Variants in MAP4K1 observed in about 807,000 individuals in gnomAD.
MAP4K1 encodes mitogen-activated protein kinase kinase kinase kinase 1, also known as MAPK/ERK kinase kinase kinase 1.
In MAP4K1, 35 loss-of-function variants were observed where a neutral mutation model predicts 122.8. The ratio of observed to expected loss-of-function variants is 0.29; its 90% CI spans 0.22 to 0.38. MAP4K1 has a LOEUF of 0.38. Among genes scored for constraint, MAP4K1 ranks in the 10% least tolerant of loss-of-function variants. MAP4K1 has a pLI of 1.00. For missense variants in MAP4K1, 791 were observed against 1,072.6 expected (o/e 0.74, Z 3.67); for synonymous variants, 412 against 421.3 (o/e 0.98, Z 0.27).
At position 38,595,692 on chromosome 19, in the gene MAP4K1, G is replaced by A; in HGVS notation, c.2217C>T (p.Val739=). The change falls in exon 28 of 31, where the codon GTC becomes GTT. Residue 739 remains valine, a synonymous_variant. Transcript: ENST00000396857. ...GGATCTCAGGTGTGCGAAGTCCCCGGACTGGGGACCCCTCCGGGGTCACCA... is the reference window on the plus strand; with the variant it reads ...GGATCTCAGGTGTGCGAAGTCCCCGAACTGGGGACCCCTCCGGGGTCACCA... The part of the protein sequence containing the change: ...VKLVTPEGSP[V]RGLRTPEIPM... 2 of 1,612,394 alleles carry A rather than the reference G, an allele frequency of 1.2e-6. No individual in the cohort carries two copies. Among genetic ancestry groups the A allele is most frequent in the Non-Finnish European group, 1.7e-6 (2 of 1,179,122 alleles).
chr19:38,590,262 TA>T (rs1974663028), intron 30 of MAP4K1, among the ~76,000 whole-genome samples: 1 of 149,884 alleles, frequency 6.7e-6, no homozygotes, highest in South Asian at 2.1e-4. Flanking sequence ...AAATTTCCTT[TA>T]ATTTTTAAAA....
intron 8 of MAP4K1, among the ~76,000 whole-genome samples, chr19:38,613,373 A>G (rs1407576737): frequency 6.6e-6 from 1 of 151,678 alleles, no homozygotes; most frequent in Non-Finnish European, 1.5e-5. Context: ...CAAATTTTAA[A>G]AATTAGCCAG....
At chr19:38,612,942 A>G (rs1376444416) in intron 8 of MAP4K1, among the ~76,000 whole-genome samples, 200 bp from the exon 9 acceptor site, 2 of 152,166 alleles carry the variant, frequency 1.3e-5, no homozygotes, top group African/African-American at 4.8e-5. Context: ...CTGTAATCCC[A>G]GCACTTTGGG....
intron 29 of MAP4K1, among the ~76,000 whole-genome samples, chr19:38,595,085 G>C (rs1443291549): frequency 6.6e-6 from 1 of 151,930 alleles, no homozygotes; most frequent in Admixed American, 6.6e-5. Context: ...AAGAGTTCAA[G>C]ACCATCCAGC....
chr19:38,588,438 C>G (rs1974594237), intron 30 of MAP4K1, among the ~76,000 whole-genome samples: 1 of 152,020 alleles, frequency 6.6e-6, no homozygotes, highest in South Asian at 2.1e-4. Flanking sequence ...TGCTTGTAAT[C>G]CCAGCACTTT....
intron 29 of MAP4K1, among the ~76,000 whole-genome samples, chr19:38,594,957 TTATC>T (rs4018120): frequency 0.72 from 104,992 of 146,452 alleles, 38,403 homozygotes; most frequent in Non-Finnish European, 0.81. Flanking sequence ...TAAATAAATT[TTATC>T]TATCTATCTA....
At chr19:38,615,446 GA>G (rs1246217501) in intron 4 of MAP4K1, among the ~76,000 whole-genome samples, 1 of 152,016 alleles carries the variant, frequency 6.6e-6, no homozygotes, top group Non-Finnish European at 1.5e-5. Context: ...AAAGGAACAG[GA>G]TTGAAAAAAA....
Position 38,605,408 on chromosome 19 carries a change from C to A in MAP4K1, c.1446+1G>T. ...AAGTCCTCAGCAGAGCTGAACCTCA[C>A]CTTTCTCTTCATCTTTTCCTTCTTG... On this transcript the variant is annotated splice_donor_variant, in intron 19 of 30. Coordinates refer to ENST00000396857, the MANE Select transcript of MAP4K1 (RefSeq NM_001042600.3). LOFTEE classifies it high-confidence loss of function. 6.3e-7 allele frequency: 1 copy of A among 1,592,216 alleles called. No homozygotes were observed. The highest frequency in any genetic ancestry group is 8.5e-7 in the Non-Finnish European group (1 of 1,170,452).
intron 29 of MAP4K1, 147 bp from the exon 30 acceptor site, chr19:38,593,484 C>T (rs1299110767): frequency 7.2e-6 from 4 of 557,450 alleles, no homozygotes; most frequent in Non-Finnish European, 1.2e-5. Flanking sequence ...GGGTGGATCA[C>T]CTGAGGTCAG....
Position 38,605,470 on chromosome 19 carries a change from G to A in MAP4K1, c.1385C>T (p.Pro462Leu). 6.3e-7 allele frequency: 1 copy of A among 1,596,726 alleles called. No individual in the cohort carries two copies. Among genetic ancestry groups the A allele is most frequent in the Non-Finnish European group, 8.5e-7 (1 of 1,173,160 alleles). The change falls in exon 19 of 31, where the codon CCC becomes CTC. Residue 462 changes from proline to leucine, a missense_variant. Physicochemically the swap from Pro to Leu is moderately conservative, Grantham distance 98. Transcript: ENST00000396857. ...AHSEPSLWNP[P>L]SRELDKPPLL... ...TGGGGGCTTGTCAAGCTCCCGGGAGGGTGGGTTCCAGAGTGAGGGTTCTGA... is the reference window on the plus strand; with the variant it reads ...TGGGGGCTTGTCAAGCTCCCGGGAGAGTGGGTTCCAGAGTGAGGGTTCTGA...
In MAP4K1 at chr19:38,614,307, G is replaced by T; in HGVS notation, c.370-15C>A. The T allele has an allele frequency of 6.2e-7, 1 of 1,614,168 alleles. No homozygotes were observed. The highest frequency in any genetic ancestry group is 1.1e-5 in the South Asian group (1 of 91,090). On this transcript the variant is annotated splice_polypyrimidine_tract_variant and intron_variant, in intron 5 of 30. Transcript: ENST00000396857. Reference sequence around the variant, plus strand: ...TAGGCCAGTCCCTGGGGAGAAGGGTGGACAAGGGGACAGTGAGTGTTTGGG... The same window carrying T: ...TAGGCCAGTCCCTGGGGAGAAGGGTTGACAAGGGGACAGTGAGTGTTTGGG...
rs746020552 is a variant in MAP4K1 at position 38,609,655 on chromosome 19, C to G, written c.947G>C (p.Arg316Pro). The change falls in exon 13 of 31, where the codon CGG (arginine) becomes CCG (proline). Residue 316 changes from arginine to proline, a missense_variant. By Grantham distance (103) the Arg-to-Pro change is moderately radical. Coordinates refer to ENST00000396857, the MANE Select transcript of MAP4K1 (RefSeq NM_001042600.3). ...GGAGCGGTGGGTGGATCTGATCCGC[C>G]GAGGGATAGCAGGGGGTAGCTGGGC... The part of the protein sequence containing the change: ...EEPELPPAIP[R>P]RIRSTHRSSS... 1.2e-6 allele frequency: 2 copies of G among 1,613,138 alleles called. No individual in the cohort carries two copies. The highest frequency in any genetic ancestry group is 1.7e-6 in the Non-Finnish European group (2 of 1,179,614).
In MAP4K1 at chr19:38,609,926, C is replaced by T. The variant is rs911510082; in HGVS notation, c.910G>A (p.Glu304Lys). Residue 304 changes from glutamate to lysine, a missense_variant, in exon 12 of 31, where the codon GAG becomes AAG. Physicochemically the swap from Glu to Lys is moderately conservative, Grantham distance 56. Around this residue, in one of 4 missense-constraint regions of MAP4K1, gnomAD observed 303 missense variants for 344.8 expected, o/e 0.88. Coordinates refer to ENST00000396857, the MANE Select transcript of MAP4K1 (RefSeq NM_001042600.3). ...PGKGPSIGDI[E>K]DEEPELPPAI... is the part of the protein sequence containing the mutation. The stretch of plus-strand genomic sequence containing the variant: ...GCTCTCACCTCGGGCTCCTCATCCT[C>T]AATGTCCCCAATGGAGGGTCCTTTC... 6.2e-7 allele frequency: 1 copy of T among 1,614,136 alleles called. No individual in the cohort carries two copies. The highest frequency in any genetic ancestry group is 1.1e-5 in the South Asian group (1 of 91,070).
intron 29 of MAP4K1, among the ~76,000 whole-genome samples, chr19:38,594,797 TA>T (rs2145934301): frequency 6.6e-6 from 1 of 151,164 alleles, no homozygotes; most frequent in East Asian, 1.9e-4. Context: ...AAAAATTAGC[TA>T]AGCATGGCGG....
intron 27 of MAP4K1, 40 bp from the exon 28 acceptor site, chr19:38,595,769 C>T: frequency 1.3e-6 from 2 of 1,548,188 alleles, no homozygotes; most frequent in Non-Finnish European, 1.8e-6. Flanking sequence ...GTGAGCAAGG[C>T]TTAGAGGGTT....
Position 38,596,343 on chromosome 19 carries a change from C to G in MAP4K1, c.2085G>C (p.Ala695=), listed in dbSNP as rs200357602. The G allele has an allele frequency of 1.3e-6, 2 of 1,598,156 alleles. No individual in the cohort carries two copies. The highest frequency in any genetic ancestry group is 4.5e-5 in the East Asian group (2 of 44,356). ...SVLFHTVRFG[A]LSCWLGEMST... Reference sequence around the variant, plus strand: ...TCATCTCGCCCAGCCAGCAAGAGAGCGCGCCAAAGCGCACCGTGTGGAAGA... The same window carrying G: ...TCATCTCGCCCAGCCAGCAAGAGAGGGCGCCAAAGCGCACCGTGTGGAAGA... The change falls in exon 26 of 31, where the codon GCG becomes GCC. Residue 695 remains alanine, a synonymous_variant. Coordinates refer to ENST00000396857, the MANE Select transcript of MAP4K1 (RefSeq NM_001042600.3).
Position 38,597,100 on chromosome 19 carries a change from A to G in MAP4K1, c.1875T>C (p.Gly625=), listed in dbSNP as rs751082899. The change falls in exon 25 of 31, where the codon GGT becomes GGC. Residue 625 remains glycine (G), a synonymous_variant. Transcript: ENST00000396857. The surrounding 1 kb of genome is among the most constrained non-coding windows in gnomAD (Gnocchi z 4.6). ...GCAGGACAACGGACGTCTCCAATGC[A>G]CCGCACAGGAACGGGCCCCCAGAGC... is the stretch of plus-strand genomic sequence containing the variant. ...GASSGGPFLC[G]ALETSVVLLQ... 2 of 1,613,970 alleles carry G rather than the reference A, an allele frequency of 1.2e-6. No homozygotes were observed. Among genetic ancestry groups the G allele is most frequent in the East Asian group, 4.5e-5 (2 of 44,888 alleles).
chr19:38,601,650 A>G (rs1975069375), intron 19 of MAP4K1, 125 bp from the exon 20 acceptor site: 1 of 670,014 alleles, frequency 1.5e-6, no homozygotes, highest in Non-Finnish European at 2.6e-6. Context: ...ACCTTGGTGC[A>G]ATTTCCCATA....
intron 29 of MAP4K1, among the ~76,000 whole-genome samples, chr19:38,595,056 G>A (rs952302746): frequency 8.5e-5 from 13 of 152,058 alleles, no homozygotes; most frequent in African/African-American, 2.4e-4. Flanking sequence ...AGGCCAAGGC[G>A]GGTGAATCAC....
Sources: gnomAD v4.1 joint callset for allele counts (sites outside exome capture counted in the v4.1 genomes callset) on GRCh38, gnomAD v4.1.1 for gene constraint, gnomAD v4.1.1 regional missense constraint, Gnocchi (gnomAD v3.1) non-coding constraint, MANE v1.5 for transcripts, NCBI Gene and HGNC (gene_info 2026-07-23, HGNC 2026-07-21) for gene names.